The following AKAP3 variants were observed in gnomAD, a reference collection of about 807,000 sequenced individuals.
The protein encoded by AKAP3 is A-kinase anchoring protein 3.
A neutral mutation model predicts 57.2 loss-of-function variants in AKAP3; 27 were observed. The observed-to-expected ratio is 0.47, with a 90% confidence interval of 0.35 to 0.65. The LOEUF (loss-of-function observed/expected upper bound fraction) is 0.65, where lower values mean the gene tolerates loss of function less well. Ranked by LOEUF, AKAP3 falls within the 30% of genes least tolerant of loss-of-function variation. The probability of loss-of-function intolerance (pLI) is 0.01; values close to 1 mark genes in which losing one functional copy is unlikely to be tolerated. For synonymous variants in AKAP3, 334 were observed against 392.3 expected (o/e 0.85, Z 1.76); for missense variants, 959 against 1,040.0 (o/e 0.92, Z 1.07).
At chr12:4,636,893 A>G (rs10774253) in intron 4 of AKAP3, among the ~76,000 whole-genome samples, 37,602 of 151,798 alleles carry the variant, frequency 0.25, 5,534 homozygotes, top group South Asian at 0.43. Context: ...GTGACTACAG[A>G]CGTGTGCAAC....
At chr12:4,623,433 A>C (rs563965095) in intron 5 of AKAP3, among the ~76,000 whole-genome samples, 1 of 152,382 alleles carries the variant, frequency 6.6e-6, no homozygotes, top group African/African-American at 2.4e-5. Context: ...AGTCATAAAA[A>C]AGAACACAGC....
At chr12:4,640,419 C>T (rs1189208219) in intron 3 of AKAP3, among the ~76,000 whole-genome samples, 2 of 152,118 alleles carry the variant, frequency 1.3e-5, no homozygotes, top group Non-Finnish European at 2.9e-5. Context: ...ATAAGTGAAG[C>T]AGTATTAAGG....
intron 4 of AKAP3, chr12:4,636,050 CT>C: frequency 6.7e-7 from 1 of 1,497,422 alleles, no homozygotes; most frequent in South Asian, 1.2e-5. Flanking sequence ...AAACGAAGCA[CT>C]AGGCTTGATT....
At chr12:4,617,911 G>A (rs935605189) in intron 5 of AKAP3, among the ~76,000 whole-genome samples, 14 of 152,138 alleles carry the variant, frequency 9.2e-5, no homozygotes, top group African/African-American at 3.1e-4. Context: ...AGCTTAAGTG[G>A]TAAACTATTG....
intron 5 of AKAP3, among the ~76,000 whole-genome samples, chr12:4,622,300 A>C (rs1269807190): frequency 6.6e-6 from 1 of 152,184 alleles, no homozygotes; most frequent in African/African-American, 2.4e-5. Context: ...ATATGGAACC[A>C]AAAAAGAGCC....
rs570430129 is a variant in AKAP3 at position 4,640,051 on chromosome 12, C to T, written c.-1+1848G>A. On this transcript the variant is annotated intron_variant, in intron 3 of 5. Transcript: ENST00000228850. ...CAGGATGGTCTTGATCTCCTGACCTCGTGATCCACCCGCCTCGGCCTCCCA... is the reference window on the plus strand; with the variant it reads ...CAGGATGGTCTTGATCTCCTGACCTTGTGATCCACCCGCCTCGGCCTCCCA... Among the ~76,000 whole-genome samples, 14 of 152,144 alleles carry T rather than the reference C, an allele frequency of 9.2e-5. 1 individual carries two copies. The East Asian group carries it at 2.1e-3, about 23-fold the overall frequency.
At position 4,632,882 on chromosome 12, in the gene AKAP3, C is replaced by T. The variant is rs1484061276; in HGVS notation, c.97-4077G>A. On this transcript the variant is annotated intron_variant, in intron 4 of 5. Transcript: ENST00000228850. ...GTCTCGATCTCCTGACCTCGTGATC[C>T]GCCTGCCTCGGCCTCCCAAAGTGCT... Among the ~76,000 whole-genome samples, 7 of 152,206 alleles carry T rather than the reference C, an allele frequency of 4.6e-5. No homozygotes were observed. The East Asian group carries it at 7.7e-4, about 17-fold the overall frequency.
chr12:4,626,077 G>A (rs1945408633), intron 5 of AKAP3, among the ~76,000 whole-genome samples: 1 of 152,050 alleles, frequency 6.6e-6, no homozygotes, highest in Admixed American at 6.5e-5. Context: ...GTAATGGCAT[G>A]TTTGAAAAGG....
Position 4,627,818 on chromosome 12 carries a change from C to A in AKAP3, c.1084G>T (p.Val362Phe), listed in dbSNP as rs776817342. 13 of 1,614,030 alleles carry A rather than the reference C, an allele frequency of 8.1e-6. No individual in the cohort carries two copies. The highest frequency in any genetic ancestry group is 2.5e-6 in the Non-Finnish European group (3 of 1,180,044). The change falls in exon 5 of 6, where the codon GTC (valine) becomes TTC (phenylalanine). Residue 362 changes from valine to phenylalanine, a missense_variant. By Grantham distance (50) the Val-to-Phe change is conservative. Coordinates refer to ENST00000228850, the MANE Select transcript of AKAP3 (RefSeq NM_001278309.2). Reference sequence around the variant, plus strand: ...GCCTTTTGGCTTCCATGAGAGAAGACAGTTCTTTTCACAGCCGAGACAAAC... The same window carrying A: ...GCCTTTTGGCTTCCATGAGAGAAGAAAGTTCTTTTCACAGCCGAGACAAAC... ...TQFVSAVKRTVFSHGSQKATD... is the reference protein window; with the variant it reads ...TQFVSAVKRTFFSHGSQKATD...
intron 4 of AKAP3, chr12:4,631,210 T>C: frequency 1.8e-6 from 1 of 564,206 alleles, no homozygotes; most frequent in Non-Finnish European, 3.1e-6. Flanking sequence ...TGATTTTATG[T>C]CTGACCATTT....
At chr12:4,636,749 T>C (rs569042026) in intron 4 of AKAP3, among the ~76,000 whole-genome samples, 2 of 152,294 alleles carry the variant, frequency 1.3e-5, no homozygotes, top group South Asian at 4.1e-4. Context: ...GTTTGATAAA[T>C]GTTAACTTTT....
chr12:4,626,052 C>A (rs1945408305), intron 5 of AKAP3, among the ~76,000 whole-genome samples: 4 of 152,150 alleles, frequency 2.6e-5, no homozygotes, highest in Non-Finnish European at 4.4e-5. Context: ...GCCACCTAGA[C>A]AACCAGCTAA....
chr12:4,620,568 T>C (rs1945335157), intron 5 of AKAP3, among the ~76,000 whole-genome samples: 1 of 151,984 alleles, frequency 6.6e-6, no homozygotes, highest in Non-Finnish European at 1.5e-5. Flanking sequence ...AAATATATTT[T>C]AAAAATCATA....
At position 4,648,927 on chromosome 12, in the gene AKAP3, A is replaced by C; in HGVS notation, c.-427T>G. 1.6e-6 allele frequency: 1 copy of C among 617,914 alleles called. No individual in the cohort carries two copies. The allele number at this position is 617,914 out of a possible 1,614,324, so 38.3% of individuals were successfully genotyped here. On this transcript the variant is annotated 5_prime_UTR_variant, in exon 1 of 6. Transcript: ENST00000228850. ...GCCTATACAGCCTATTCCAGATCTGAGATTCCAACAGCCAAAGTCTTTTCA... is the reference window on the plus strand; with the variant it reads ...GCCTATACAGCCTATTCCAGATCTGCGATTCCAACAGCCAAAGTCTTTTCA...
Position 4,621,838 on chromosome 12 carries a change from A to G in AKAP3, c.2406+4658T>C, listed in dbSNP as rs115578240. Among the ~76,000 whole-genome samples the G allele has an allele frequency of 8.7e-3, 1,323 of 152,336 alleles. 17 individuals carry two copies. The highest frequency in any genetic ancestry group is 0.03 in the African/African-American group (1,237 of 41,578). ...ATATAACATAAAACCCAGCAAAAAT[A>G]AAAGAAAAATGTCTCATATTTGATG... On this transcript the variant is annotated intron_variant, in intron 5 of 5. Coordinates refer to ENST00000228850, the MANE Select transcript of AKAP3 (RefSeq NM_001278309.2).
chr12:4,643,491 AG>A (rs1945660787), intron 2 of AKAP3, among the ~76,000 whole-genome samples: 1 of 152,218 alleles, frequency 6.6e-6, no homozygotes, highest in Non-Finnish European at 1.5e-5. Flanking sequence ...TATCTATTAA[AG>A]ATAAATGGAC....
chr12:4,641,616 T>C (rs1173313022), intron 3 of AKAP3, among the ~76,000 whole-genome samples: 1 of 152,214 alleles, frequency 6.6e-6, no homozygotes, highest in Non-Finnish European at 1.5e-5. Flanking sequence ...CACATAGAAA[T>C]GTTCTTATGC....
At chr12:4,635,494 T>C in intron 4 of AKAP3, 1 of 613,626 alleles carries the variant, frequency 1.6e-6, no homozygotes, top group Non-Finnish European at 2.9e-6. Flanking sequence ...TTCACTGATG[T>C]TTAGCTGATG....
chr12:4,643,265 A>G (rs1001181998), intron 2 of AKAP3, among the ~76,000 whole-genome samples: 1 of 152,188 alleles, frequency 6.6e-6, no homozygotes, highest in African/African-American at 2.4e-5. Flanking sequence ...GTCCTAGATG[A>G]CAGCATCTAT....
Sources: gnomAD v4.1 joint callset for allele counts (sites outside exome capture counted in the v4.1 genomes callset) on GRCh38, gnomAD v4.1.1 for gene constraint, MANE v1.5 for transcripts, NCBI Gene and HGNC (gene_info 2026-07-23, HGNC 2026-07-21) for gene names.